The following UBL3 variants were observed in gnomAD, a reference collection of about 807,000 sequenced individuals.
The protein encoded by UBL3 is ubiquitin-like protein 3.
Under a neutral mutation model 18.4 loss-of-function variants are expected in UBL3, and 6 were observed. The ratio of observed to expected loss-of-function variants is 0.33; its 90% confidence interval spans 0.18 to 0.64. The LOEUF (loss-of-function observed/expected upper bound fraction) is 0.64, where lower values mean the gene tolerates loss of function less well. Among genes scored for constraint, UBL3 ranks in the 30% least tolerant of loss-of-function variants. UBL3 has a pLI of 0.76. For missense variants in UBL3, 109 were observed against 142.9 expected, an observed-to-expected ratio of 0.76 and a Z score of 1.21; for synonymous variants, 49 against 46.6, an observed-to-expected ratio of 1.05 and a Z score of -0.21.
rs1164598510 is a variant in UBL3 at position 29,850,131 on chromosome 13, G to A, written c.-593C>T. The A allele has an allele frequency of 1.3e-5, 2 of 152,368 alleles. No homozygotes were observed. The highest frequency in any genetic ancestry group is 2.9e-5 in the Non-Finnish European group (2 of 68,130). 9.4% of individuals were successfully genotyped at this position (152,368 alleles called of 1,614,324 possible). ...GGGGAAACGGCTCAACTCGCGCCGC[G>A]GGGGCGAAGAGCCGGGCCGCGGAAA... On this transcript the variant is annotated 5_prime_UTR_variant, in exon 1 of 5. Transcript: ENST00000380680.
intron 1 of UBL3, among the ~76,000 whole-genome samples, chr13:29,805,586 G>A (rs905632270): frequency 9.9e-5 from 15 of 151,882 alleles, no homozygotes; most frequent in African/African-American, 3.6e-4. Context: ...CCTTTAACTT[G>A]GGGGGAAAAT....
chr13:29,828,059 T>C (rs1484882048), intron 1 of UBL3, among the ~76,000 whole-genome samples: 2 of 152,352 alleles, frequency 1.3e-5, no homozygotes, highest in East Asian at 3.9e-4. Flanking sequence ...GCTGTTAGTC[T>C]GATGGGCTTC....
chr13:29,824,188 A>G (rs1593669918), intron 1 of UBL3, among the ~76,000 whole-genome samples: 1 of 152,194 alleles, frequency 6.6e-6, no homozygotes, highest in East Asian at 1.9e-4. Context: ...GTGTCTTTAT[A>G]GCAGCATGAT....
At chr13:29,849,105 G>GT (rs1252116593) in intron 1 of UBL3, among the ~76,000 whole-genome samples, 1 of 152,118 alleles carries the variant, frequency 6.6e-6, no homozygotes, top group Non-Finnish European at 1.5e-5. Flanking sequence ...TGACGATCTC[G>GT]TCTGTGTCAT....
intron 1 of UBL3, chr13:29,777,542 C>G: frequency 1.9e-6 from 1 of 517,514 alleles, no homozygotes; most frequent in Non-Finnish European, 3.7e-6. Context: ...TTTAATCACT[C>G]CAACAATGTT....
intron 1 of UBL3, among the ~76,000 whole-genome samples, chr13:29,843,388 G>C (rs1251077956): frequency 1.3e-5 from 2 of 151,894 alleles, no homozygotes; most frequent in Non-Finnish European, 2.9e-5. Context: ...TATTAGGTGA[G>C]CATTATTATT....
intron 1 of UBL3, among the ~76,000 whole-genome samples, chr13:29,808,772 T>C (rs549154539): frequency 6.6e-6 from 1 of 152,266 alleles, no homozygotes; most frequent in East Asian, 1.9e-4. Context: ...GTATGTATTT[T>C]CTAAGCTCTG....
chr13:29,822,756 A>G (rs1406671930), intron 1 of UBL3, among the ~76,000 whole-genome samples: 1 of 141,758 alleles, frequency 7.1e-6, no homozygotes, highest in East Asian at 2.0e-4. Context: ...GTTAAAAAGA[A>G]GCCTGTACTA....
intron 1 of UBL3, among the ~76,000 whole-genome samples, chr13:29,824,151 A>G (rs1179476715): frequency 6.6e-6 from 1 of 152,184 alleles, no homozygotes; most frequent in Non-Finnish European, 1.5e-5. Flanking sequence ...TATTGTGAAT[A>G]GTGCTGCAAT....
At chr13:29,835,753 CAAAAAAAAAAAA>C (rs34271187) in intron 1 of UBL3, among the ~76,000 whole-genome samples, 71 of 37,038 alleles carry the variant, frequency 1.9e-3, no homozygotes, top group Non-Finnish European at 3.1e-3. Flanking sequence ...GACGCTGTCT[CAAAAAAAAAAAA>C]AAAAAAAAAA....
intron 1 of UBL3, among the ~76,000 whole-genome samples, chr13:29,820,960 T>A (rs1593668682): frequency 6.6e-6 from 1 of 152,246 alleles, no homozygotes; most frequent in Admixed American, 6.5e-5. Flanking sequence ...ATGCCAGGGT[T>A]TGAATCCTGG....
At chr13:29,845,065 G>C (rs1054163449) in intron 1 of UBL3, among the ~76,000 whole-genome samples, 8 of 152,072 alleles carry the variant, frequency 5.3e-5, no homozygotes, top group African/African-American at 1.9e-4. Flanking sequence ...ATAGAAATTT[G>C]ATACCTGTGT....
At chr13:29,779,293 T>C (rs374462841) in intron 1 of UBL3, 4 of 481,524 alleles carry the variant, frequency 8.3e-6, no homozygotes, top group Non-Finnish European at 1.6e-5. Context: ...AACAAATACA[T>C]ATTACCCTAT....
chr13:29,830,366 G>C (rs1878742076), intron 1 of UBL3, among the ~76,000 whole-genome samples: 1 of 152,150 alleles, frequency 6.6e-6, no homozygotes, highest in Non-Finnish European at 1.5e-5. Flanking sequence ...AGGTATTTAG[G>C]GAAAAAGTTT....
At chr13:29,835,810 C>T (rs1878948959) in intron 1 of UBL3, among the ~76,000 whole-genome samples, 1 of 138,404 alleles carries the variant, frequency 7.2e-6, no homozygotes, top group Non-Finnish European at 1.6e-5. Context: ...AAGGCAAAGA[C>T]TCAGCCTTGC....
chr13:29,816,683 A>G (rs1878290644), intron 1 of UBL3, among the ~76,000 whole-genome samples: 1 of 136,298 alleles, frequency 7.3e-6, no homozygotes, highest in African/African-American at 2.7e-5. Flanking sequence ...TGAGCCCATG[A>G]GTTCATGGTT....
intron 1 of UBL3, among the ~76,000 whole-genome samples, chr13:29,826,205 G>C (rs1565999086): frequency 6.6e-6 from 1 of 152,142 alleles, no homozygotes; most frequent in Non-Finnish European, 1.5e-5. Context: ...GATGATGCTG[G>C]CCTCATAAAA....
At chr13:29,791,828 A>G (rs971317491) in intron 1 of UBL3, among the ~76,000 whole-genome samples, 2 of 152,186 alleles carry the variant, frequency 1.3e-5, no homozygotes, top group African/African-American at 4.8e-5. Flanking sequence ...CATCCTACAT[A>G]TATCACATCT....
At chr13:29,816,665 G>C (rs1484942234) in intron 1 of UBL3, among the ~76,000 whole-genome samples, 1 of 149,680 alleles carries the variant, frequency 6.7e-6, no homozygotes, top group Non-Finnish European at 1.5e-5. Context: ...TGAGGTGGGA[G>C]GATTGTTTGA....
Sources: gnomAD v4.1 joint callset for allele counts (sites outside exome capture counted in the v4.1 genomes callset) on GRCh38, gnomAD v4.1.1 for gene constraint, MANE v1.5 for transcripts, NCBI Gene and HGNC (gene_info 2026-07-23, HGNC 2026-07-21) for gene names.